ADAMTSL1: variants seen among roughly 807,000 people sequenced by gnomAD.
ADAMTSL1 encodes ADAMTS like 1, also known as ADAMTS-like protein 1.
Under a neutral mutation model 201.8 loss-of-function variants are expected in ADAMTSL1, and 126 were observed. The ratio of observed to expected loss-of-function variants is 0.62; its 90% confidence interval spans 0.54 to 0.72. The LOEUF is 0.72. ADAMTSL1 is among the 30% of genes least tolerant of loss of function. The pLI, the probability that ADAMTSL1 is intolerant of heterozygous loss-of-function variation, is 0.00. For missense variants in ADAMTSL1, 2,679 were observed against 2,277.8 expected, an observed-to-expected ratio of 1.18 and a Z score of -3.59; for synonymous variants, 1,121 against 903.4, an observed-to-expected ratio of 1.24 and a Z score of -4.32.
intron 14 of ADAMTSL1, among the ~76,000 whole-genome samples, chr9:18,719,215 A>T (rs1441622193): frequency 6.6e-5 from 10 of 152,244 alleles, no homozygotes; most frequent in Admixed American, 6.5e-4. Context: ...GAAATCTCAA[A>T]TGCTCCACCC....
At chr9:18,428,447 A>AG (rs1330774282) in intron 2 of ADAMTSL1, among the ~76,000 whole-genome samples, 1 of 150,396 alleles carries the variant, frequency 6.6e-6, no homozygotes, top group Non-Finnish European at 1.5e-5. Context: ...AAAAAAAAAA[A>AG]AAAGAAAAGA....
intron 16 of ADAMTSL1, among the ~76,000 whole-genome samples, chr9:18,758,177 G>T (rs7042256): frequency 0.065 from 9,953 of 152,188 alleles, 933 homozygotes; most frequent in African/African-American, 0.21. Flanking sequence ...TGTGAAAGGG[G>T]CCCTGTGTGC....
chr9:18,287,477 TCA>T (rs1156332510), intron 2 of ADAMTSL1, among the ~76,000 whole-genome samples: 2 of 151,658 alleles, frequency 1.3e-5, no homozygotes, highest in African/African-American at 4.8e-5. Flanking sequence ...AAATGTATGT[TCA>T]GATATGTAAT....
At chr9:18,899,895 T>G (rs1339845729) in intron 26 of ADAMTSL1, among the ~76,000 whole-genome samples, 1 of 152,126 alleles carries the variant, frequency 6.6e-6, no homozygotes, top group Non-Finnish European at 1.5e-5. Context: ...GATTTCATGA[T>G]GTAGATGCCA....
intron 2 of ADAMTSL1, among the ~76,000 whole-genome samples, chr9:18,334,868 G>A (rs77130027): frequency 0.022 from 3,357 of 152,142 alleles, 113 homozygotes; most frequent in African/African-American, 0.075. Flanking sequence ...CAAGTCAGGG[G>A]CTAAAAATAA....
At chr9:18,200,396 A>G (rs906106123) in intron 2 of ADAMTSL1, among the ~76,000 whole-genome samples, 7 of 152,004 alleles carry the variant, frequency 4.6e-5, no homozygotes, top group Non-Finnish European at 7.4e-5. Flanking sequence ...ATTCTTTTCC[A>G]TTGGAAATAC....
At chr9:18,470,324 T>C (rs1323784937), upstream of ADAMTSL1, among the ~76,000 whole-genome samples, 5 of 152,236 alleles carry the variant, frequency 3.3e-5, no homozygotes, top group Non-Finnish European at 7.3e-5. Flanking sequence ...AAATAGATAC[T>C]AGGTGAGTTG....
intron 1 of ADAMTSL1, among the ~76,000 whole-genome samples, chr9:18,487,934 A>G (rs1822080000): frequency 1.3e-5 from 2 of 152,186 alleles, no homozygotes; most frequent in African/African-American, 4.8e-5. Flanking sequence ...AGCAACTTGA[A>G]TGAATTTCAT....
At chr9:18,074,939 C>T (rs777993229) in intron 1 of ADAMTSL1, among the ~76,000 whole-genome samples, 4 of 152,188 alleles carry the variant, frequency 2.6e-5, no homozygotes, top group Non-Finnish European at 5.9e-5. Flanking sequence ...TGTCATCAGC[C>T]AGGCAGAACA....
intron 1 of ADAMTSL1, among the ~76,000 whole-genome samples, chr9:18,050,719 C>A (rs780605013): frequency 6.6e-6 from 1 of 152,046 alleles, no homozygotes; most frequent in Non-Finnish European, 1.5e-5. Context: ...TTTTGAGACC[C>A]AGAGGGAAAT....
chr9:18,014,964 C>T (rs911604551), intron 1 of ADAMTSL1, among the ~76,000 whole-genome samples: 14 of 152,018 alleles, frequency 9.2e-5, no homozygotes, highest in African/African-American at 2.2e-4. Context: ...AAGTTAATCT[C>T]GGCTGTAGAC....
At position 18,892,420 on chromosome 9, in the gene ADAMTSL1, C is replaced by T. The variant is rs375580096; in HGVS notation, c.4675C>T (p.Arg1559Trp). The change falls in exon 26 of 29, where the codon CGG becomes TGG. Residue 1559 changes from arginine (R) to tryptophan (W), a missense_variant. Coordinates refer to ENST00000380548, the MANE Select transcript of ADAMTSL1 (RefSeq NM_001040272.6). ...GGTGACCTCCTGGTCTGCCTGTACCCGGAGCTGTGGGGGAGGTGTCCAGAC... is the reference window on the plus strand; with the variant it reads ...GGTGACCTCCTGGTCTGCCTGTACCTGGAGCTGTGGGGGAGGTGTCCAGAC... ...WMVTSWSACT[R>W]SCGGGVQTRR... 4.8e-5 allele frequency: 77 copies of T among 1,613,364 alleles called. No homozygotes were observed. Among genetic ancestry groups the T allele is most frequent in the African/African-American group, 6.7e-5 (5 of 74,912 alleles).
At chr9:18,082,872 T>G (rs908788340) in intron 1 of ADAMTSL1, among the ~76,000 whole-genome samples, 1 of 152,038 alleles carries the variant, frequency 6.6e-6, no homozygotes, top group African/African-American at 2.4e-5. Flanking sequence ...TAATATAACA[T>G]GAGAACATTA....
chr9:18,586,564 G>A (rs972397646), intron 4 of ADAMTSL1, among the ~76,000 whole-genome samples: 2 of 151,960 alleles, frequency 1.3e-5, no homozygotes, highest in Non-Finnish European at 2.9e-5. Flanking sequence ...AACTACCAAT[G>A]ACATTCTTCA....
chr9:18,200,950 G>A (rs1829420202), intron 2 of ADAMTSL1, among the ~76,000 whole-genome samples: 1 of 151,864 alleles, frequency 6.6e-6, no homozygotes, highest in South Asian at 2.1e-4. Flanking sequence ...ATGGATTCAA[G>A]ACAAAAGAAT....
intron 20 of ADAMTSL1, among the ~76,000 whole-genome samples, chr9:18,811,234 C>T (rs939911692): frequency 2.6e-5 from 4 of 152,146 alleles, no homozygotes; most frequent in Non-Finnish European, 4.4e-5. Flanking sequence ...TGAGGTGCCC[C>T]CCAACCCTCA....
intron 1 of ADAMTSL1, among the ~76,000 whole-genome samples, chr9:18,498,544 G>T (rs866342010): frequency 1.3e-5 from 2 of 152,032 alleles, no homozygotes; most frequent in African/African-American, 4.8e-5. Flanking sequence ...AACCATGTTG[G>T]TCAGGCTGGT....
chr9:18,024,258 T>A (rs1168118558), intron 1 of ADAMTSL1, among the ~76,000 whole-genome samples: 1 of 152,162 alleles, frequency 6.6e-6, no homozygotes, highest in African/African-American at 2.4e-5. Flanking sequence ...TTATTTATTA[T>A]CTTTTTATTG....
chr9:18,091,055 G>T (rs1823991737), intron 1 of ADAMTSL1, among the ~76,000 whole-genome samples: 1 of 131,976 alleles, frequency 7.6e-6, no homozygotes, highest in African/African-American at 3.0e-5. Flanking sequence ...TAAGTAGTGT[G>T]TGTGTGTATA....
Sources: allele counts gnomAD v4.1 joint callset (sites outside exome capture counted in the v4.1 genomes callset), GRCh38; gene constraint gnomAD v4.1.1; transcripts MANE v1.5; gene names NCBI Gene and HGNC (gene_info 2026-07-23, HGNC 2026-07-21).